XKR9: variants seen among roughly 807,000 people sequenced by gnomAD.
XKR9 encodes the protein XK related 9.
XKR9 carries 32 observed loss-of-function variants against 32.0 expected under a neutral mutation model. The ratio of observed to expected loss-of-function variants is 1.00; its 90% CI spans 0.76 to 1.34. The LOEUF is 1.34. Among genes scored for constraint, XKR9 ranks in the 40% most tolerant of loss-of-function variants. The pLI, the probability that XKR9 is intolerant of heterozygous loss-of-function variation, is 0.00. For missense variants in XKR9, 546 were observed against 429.7 expected, an observed-to-expected ratio of 1.27 and a Z score of -2.39; for synonymous variants, 168 against 143.4, an observed-to-expected ratio of 1.17 and a Z score of -1.22.
the XKR9 span, among the ~76,000 whole-genome samples, chr8:70,982,450 G>A: frequency 6.6e-6 from 1 of 152,092 alleles, no homozygotes; most frequent in South Asian, 2.1e-4. Flanking sequence ...AGTCATGCAG[G>A]TCACCAGGGA....
chr8:70,699,561 C>T (rs13273193), intron 3 of XKR9, among the ~76,000 whole-genome samples: 48,344 of 152,128 alleles, frequency 0.32, 9,082 homozygotes, highest in Non-Finnish European at 0.43. Flanking sequence ...TGCTGTTAGT[C>T]TGATGGGCTT....
At chr8:70,936,074 CA>C in the XKR9 span, among the ~76,000 whole-genome samples, 1 of 152,034 alleles carries the variant, frequency 6.6e-6, no homozygotes, top group South Asian at 2.1e-4. Context: ...GCTCTTTACT[CA>C]ATCAAACCAG....
chr8:71,021,077 G>C, the XKR9 span, among the ~76,000 whole-genome samples: 2 of 152,174 alleles, frequency 1.3e-5, no homozygotes, highest in Admixed American at 1.3e-4. Context: ...TGTGTGCAGA[G>C]ATCACATGGT....
chr8:70,766,102 C>T (rs1036846077), intron 2 of XKR9, among the ~76,000 whole-genome samples: 3 of 151,982 alleles, frequency 2.0e-5, no homozygotes, highest in African/African-American at 7.3e-5. Context: ...TTTTTTGGTT[C>T]CATATGAGAC....
chr8:70,814,141 C>T, the XKR9 span, among the ~76,000 whole-genome samples: 3 of 152,028 alleles, frequency 2.0e-5, no homozygotes, highest in Non-Finnish European at 4.4e-5. Flanking sequence ...ATGTCCTTTG[C>T]AGGGACATGG....
the XKR9 span, among the ~76,000 whole-genome samples, chr8:71,027,480 A>G: frequency 7.5e-6 from 1 of 133,194 alleles, no homozygotes; most frequent in Non-Finnish European, 1.7e-5. Flanking sequence ...ATATTTTAAT[A>G]GAAATATATA....
the XKR9 span, among the ~76,000 whole-genome samples, chr8:71,017,080 A>G: frequency 6.6e-6 from 1 of 152,168 alleles, no homozygotes; most frequent in African/African-American, 2.4e-5. Context: ...CTCAACTCAC[A>G]CTTCAGCAAA....
the XKR9 span, among the ~76,000 whole-genome samples, chr8:71,021,646 GCA>G: frequency 9.2e-5 from 14 of 151,918 alleles, no homozygotes; most frequent in African/African-American, 3.4e-4. Flanking sequence ...GGGACTACAG[GCA>G]CGCGCCACCA....
At chr8:70,864,629 G>C in the XKR9 span, among the ~76,000 whole-genome samples, 1 of 152,172 alleles carries the variant, frequency 6.6e-6, no homozygotes, top group African/African-American at 2.4e-5. Flanking sequence ...TTCAGTGACA[G>C]CTTTGCCTAT....
chr8:70,680,013 C>T (rs1819021123), intron 2 of XKR9, among the ~76,000 whole-genome samples: 1 of 151,604 alleles, frequency 6.6e-6, no homozygotes, highest in Non-Finnish European at 1.5e-5. Context: ...AAAAAAAAAC[C>T]TCAAAAAAAT....
At chr8:70,733,570 C>T (rs931569907) in intron 4 of XKR9, among the ~76,000 whole-genome samples, 2 of 151,996 alleles carry the variant, frequency 1.3e-5, no homozygotes, top group African/African-American at 4.8e-5. Flanking sequence ...GTTCAAATCT[C>T]AGTTCTGCAA....
the XKR9 span, among the ~76,000 whole-genome samples, chr8:71,045,646 A>C: frequency 2.0e-5 from 3 of 152,338 alleles, no homozygotes; most frequent in Non-Finnish European, 4.4e-5. Flanking sequence ...TGCCACGCGC[A>C]GTTCCAGGGG....
At chr8:70,745,042 A>T (rs1807038931) in intron 2 of XKR9, among the ~76,000 whole-genome samples, 1 of 150,172 alleles carries the variant, frequency 6.7e-6, no homozygotes, top group Non-Finnish European at 1.5e-5. Flanking sequence ...AATGGGAAAA[A>T]GGGTAGGAAA....
the XKR9 span, among the ~76,000 whole-genome samples, chr8:70,995,744 G>A: frequency 6.6e-6 from 1 of 151,942 alleles, no homozygotes; most frequent in Non-Finnish European, 1.5e-5. Flanking sequence ...TCAAATTCTT[G>A]GGTTCAAGTG....
At chr8:71,021,312 T>C in the XKR9 span, among the ~76,000 whole-genome samples, 2 of 152,170 alleles carry the variant, frequency 1.3e-5, no homozygotes, top group Admixed American at 1.3e-4. Context: ...GTTGGCCACT[T>C]GTATGTCTTC....
the XKR9 span, among the ~76,000 whole-genome samples, chr8:71,029,107 C>T: frequency 3.3e-5 from 5 of 152,082 alleles, no homozygotes; most frequent in African/African-American, 4.8e-5. Flanking sequence ...GCAGCAGGAA[C>T]GGGCACTGAT....
At chr8:70,741,929 G>T (rs1255082773) in intron 2 of XKR9, among the ~76,000 whole-genome samples, 1 of 149,556 alleles carries the variant, frequency 6.7e-6, no homozygotes, top group African/African-American at 2.5e-5. Context: ...AAATGCCCCA[G>T]TTTCTCTATA....
At chr8:70,821,847 C>T in the XKR9 span, among the ~76,000 whole-genome samples, 1 of 152,144 alleles carries the variant, frequency 6.6e-6, no homozygotes, top group African/African-American at 2.4e-5. Flanking sequence ...GGCCTCTGGG[C>T]CTGTGATGGG....
the XKR9 span, among the ~76,000 whole-genome samples, chr8:70,891,762 C>G: frequency 6.6e-6 from 1 of 152,080 alleles, no homozygotes; most frequent in East Asian, 1.9e-4. Flanking sequence ...TTGTAAATGT[C>G]TATTAGGTCC....
Sources: gnomAD v4.1 joint callset for allele counts (sites outside exome capture counted in the v4.1 genomes callset) on GRCh38, gnomAD v4.1.1 for gene constraint, MANE v1.5 for transcripts, NCBI Gene and HGNC (gene_info 2026-07-23, HGNC 2026-07-21) for gene names.